FER: variants seen among roughly 807,000 people sequenced by gnomAD.
The protein encoded by FER is tyrosine-protein kinase Fer.
In FER, 63 loss-of-function variants were observed where a neutral mutation model predicts 111.0. The ratio of observed to expected loss-of-function variants is 0.57; its 90% confidence interval spans 0.46 to 0.70. The LOEUF (loss-of-function observed/expected upper bound fraction) is 0.70. Among genes scored for constraint, FER ranks in the 30% least tolerant of loss-of-function variants. The probability of loss-of-function intolerance (pLI) is 0.00; values close to 1 mark genes in which losing one functional copy is unlikely to be tolerated. For missense variants in FER, 914 were observed against 954.0 expected (o/e 0.96, Z 0.55); for synonymous variants, 327 against 313.9 (o/e 1.04, Z -0.44).
intron 17 of FER, among the ~76,000 whole-genome samples, chr5:109,178,360 G>A (rs769658810): frequency 1.3e-5 from 2 of 152,164 alleles, no homozygotes; most frequent in East Asian, 1.9e-4. Flanking sequence ...TCATAGAACC[G>A]TGATTCTCAT....
chr5:108,987,446 CA>C (rs200502390), intron 13 of FER, among the ~76,000 whole-genome samples: 46 of 151,150 alleles, frequency 3.0e-4, no homozygotes, highest in Non-Finnish European at 1.0e-4. Context: ...AACTCCATCT[CA>C]AAAAAAAGAA....
At position 109,179,745 on chromosome 5, in the gene FER, T is replaced by C. The variant is rs1758089860; in HGVS notation, c.2049-1002T>C. Reference sequence around the variant, plus strand: ...TGTATTATAAGTAATCTAGAGATGATTTAAAGTATATAGGATCATGTGCAT... The same window carrying C: ...TGTATTATAAGTAATCTAGAGATGACTTAAAGTATATAGGATCATGTGCAT... On this transcript the variant is annotated intron_variant, in intron 17 of 19. Transcript: ENST00000281092. Among the ~76,000 whole-genome samples, 7 of 152,204 alleles carry C rather than the reference T, an allele frequency of 4.6e-5. No homozygotes were observed. In the South Asian group the frequency reaches 1.4e-3, roughly 32 times the overall value.
At chr5:109,094,682 T>A (rs1747262012) in intron 16 of FER, among the ~76,000 whole-genome samples, 1 of 152,076 alleles carries the variant, frequency 6.6e-6, no homozygotes, top group Non-Finnish European at 1.5e-5. Flanking sequence ...TGTAAAGAAA[T>A]TAGTGTGGTT....
intron 16 of FER, among the ~76,000 whole-genome samples, chr5:109,057,035 A>G (rs900982887): frequency 3.3e-5 from 5 of 152,154 alleles, no homozygotes; most frequent in African/African-American, 1.2e-4. Flanking sequence ...TAGACTTCCT[A>G]GCAATATTAA....
intron 16 of FER, among the ~76,000 whole-genome samples, chr5:109,077,951 A>G (rs1350305911): frequency 6.6e-6 from 1 of 152,214 alleles, no homozygotes; most frequent in Non-Finnish European, 1.5e-5. Flanking sequence ...CACAGGAGGA[A>G]ATTATGGATC....
At chr5:109,012,467 T>C (rs908767825) in intron 13 of FER, among the ~76,000 whole-genome samples, 1 of 152,246 alleles carries the variant, frequency 6.6e-6, no homozygotes, top group South Asian at 2.1e-4. Context: ...GATTTAGTCA[T>C]CTTTAAGAGG....
intron 5 of FER, among the ~76,000 whole-genome samples, chr5:108,854,336 C>T (rs116136318): frequency 0.014 from 2,080 of 152,226 alleles, 28 homozygotes; most frequent in Middle Eastern, 0.051. Context: ...CATTATACTT[C>T]GGCACTAGAG....
intron 16 of FER, among the ~76,000 whole-genome samples, chr5:109,064,369 G>A (rs973909646): frequency 1.3e-5 from 2 of 151,894 alleles, no homozygotes; most frequent in South Asian, 2.1e-4. Context: ...TTTCCCAGAG[G>A]TTGAGCTAAA....
chr5:109,138,833 G>A (rs1333420057), intron 17 of FER, among the ~76,000 whole-genome samples: 1 of 152,130 alleles, frequency 6.6e-6, no homozygotes, highest in Non-Finnish European at 1.5e-5. Context: ...CAAGGAAGGG[G>A]TTGAATAGTT....
intron 17 of FER, among the ~76,000 whole-genome samples, chr5:109,146,274 AT>A (rs1294585591): frequency 1.9e-5 from 1 of 53,572 alleles, no homozygotes; most frequent in Non-Finnish European, 4.4e-5. Flanking sequence ...ATATATATAT[AT>A]ATATATATAT....
intron 9 of FER, among the ~76,000 whole-genome samples, chr5:108,892,281 A>G (rs1748225624): frequency 6.6e-6 from 1 of 152,212 alleles, no homozygotes; most frequent in Non-Finnish European, 1.5e-5. Flanking sequence ...CCGTCCCACC[A>G]ACAGTGTAAA....
At chr5:109,155,468 G>T (rs1272243897) in intron 17 of FER, among the ~76,000 whole-genome samples, 1 of 151,942 alleles carries the variant, frequency 6.6e-6, no homozygotes, top group Admixed American at 6.6e-5. Flanking sequence ...AGAGGTACTT[G>T]TAATTCAAGA....
chr5:109,015,313 C>T (rs1766927822), intron 13 of FER, among the ~76,000 whole-genome samples: 1 of 152,000 alleles, frequency 6.6e-6, no homozygotes, highest in South Asian at 2.1e-4. Flanking sequence ...AATACCAGTT[C>T]TTGGCGTCAA....
intron 13 of FER, among the ~76,000 whole-genome samples, chr5:109,013,729 C>G (rs1766639651): frequency 6.6e-6 from 1 of 151,950 alleles, no homozygotes; most frequent in East Asian, 1.9e-4. Flanking sequence ...TTCTCCACAT[C>G]CTCTCCAGCA....
At chr5:109,079,765 T>A (rs749409382) in intron 16 of FER, among the ~76,000 whole-genome samples, 4 of 152,128 alleles carry the variant, frequency 2.6e-5, no homozygotes, top group Non-Finnish European at 4.4e-5. Flanking sequence ...GATTAGATTC[T>A]GCAGATTTTT....
chr5:109,153,761 A>G (rs1755091974), intron 17 of FER, among the ~76,000 whole-genome samples: 2 of 151,900 alleles, frequency 1.3e-5, no homozygotes, highest in African/African-American at 4.8e-5. Context: ...TATAGCTAGT[A>G]ATAAGTGGCA....
intron 17 of FER, among the ~76,000 whole-genome samples, chr5:109,122,864 T>C (rs979299665): frequency 6.6e-6 from 1 of 152,198 alleles, no homozygotes; most frequent in Non-Finnish European, 1.5e-5. Flanking sequence ...AGCTATTTGT[T>C]GTGATGTAAG....
At chr5:109,140,661 T>C (rs1285943459) in intron 17 of FER, among the ~76,000 whole-genome samples, 4 of 152,356 alleles carry the variant, frequency 2.6e-5, no homozygotes, top group African/African-American at 9.6e-5. Flanking sequence ...CTTCAAATGC[T>C]TTTTCCTTTG....
chr5:108,848,634 A>G (rs1353002288), intron 5 of FER, among the ~76,000 whole-genome samples: 8 of 151,966 alleles, frequency 5.3e-5, no homozygotes, highest in Admixed American at 4.6e-4. Context: ...ATTGTGATAT[A>G]TTTTATATAT....
Sources: allele counts gnomAD v4.1 joint callset (sites outside exome capture counted in the v4.1 genomes callset), GRCh38; gene constraint gnomAD v4.1.1; transcripts MANE v1.5; gene names NCBI Gene and HGNC (gene_info 2026-07-23, HGNC 2026-07-21).